The following ANKRD28 variants were observed in gnomAD, a reference collection of about 807,000 sequenced individuals.
The protein encoded by ANKRD28 is ankyrin repeat domain 28, also known as serine/threonine-protein phosphatase 6 regulatory ankyrin repeat subunit A.
ANKRD28 carries 44 observed loss-of-function variants against 126.5 expected under a neutral mutation model. That is an observed-to-expected ratio of 0.35 (90% CI 0.27 to 0.45). ANKRD28 has a LOEUF of 0.45. ANKRD28 is among the 20% of genes least tolerant of loss of function. ANKRD28 has a pLI of 1.00. For missense variants in ANKRD28, 1,110 were observed against 1,316.6 expected (o/e 0.84, Z 2.43); for synonymous variants, 442 against 468.5 (o/e 0.94, Z 0.73).
intron 1 of ANKRD28, among the ~76,000 whole-genome samples, chr3:15,844,261 C>T (rs1166596591): frequency 6.6e-6 from 1 of 151,980 alleles, no homozygotes; most frequent in Non-Finnish European, 1.5e-5. Context: ...AAAAACTGTC[C>T]CATACTTCAG....
At chr3:15,857,111 G>A (rs2061790146) in intron 1 of ANKRD28, among the ~76,000 whole-genome samples, 1 of 152,126 alleles carries the variant, frequency 6.6e-6, no homozygotes, top group African/African-American at 2.4e-5. Flanking sequence ...AATTCCAATG[G>A]CTAATAAAAC....
chr3:15,859,430 C>G (rs1326743743), exon 1 of ANKRD28: 2 of 1,504,944 alleles, frequency 1.3e-6, no homozygotes, highest in Non-Finnish European at 1.8e-6. Context: ...CCCACTCCAG[C>G]CTCCTCCTCC....
chr3:15,730,187 G>A lies in ANKRD28; in HGVS notation c.640+5223C>T, dbSNP rs531336883. Reference sequence around the variant, plus strand: ...AAAAAATATTTATTCAGTACCTTCTGTGTCAAAGTCATCACAATAAAGTAA... The same window carrying A: ...AAAAAATATTTATTCAGTACCTTCTATGTCAAAGTCATCACAATAAAGTAA... On this transcript the variant is annotated intron_variant, in intron 6 of 27. Transcript: ENST00000683139. 7.0e-4 allele frequency among the ~76,000 whole-genome samples: 106 copies of A among 152,232 alleles called. 1 individual carries two copies. Among genetic ancestry groups the A allele is most frequent in the Non-Finnish European group, 1.3e-3 (89 of 68,008 alleles).
intron 2 of ANKRD28, among the ~76,000 whole-genome samples, chr3:15,792,911 C>T (rs1394904678): frequency 1.3e-5 from 2 of 151,952 alleles, no homozygotes; most frequent in African/African-American, 2.4e-5. Flanking sequence ...TACTAAGAAA[C>T]GTGCTGTTTA....
intron 17 of ANKRD28, among the ~76,000 whole-genome samples, chr3:15,693,474 A>G (rs142004845): frequency 5.6e-4 from 86 of 152,290 alleles, no homozygotes; most frequent in African/African-American, 1.9e-3. Flanking sequence ...CATTAAACTG[A>G]TAACTAAGTC....
chr3:15,679,941 A>G (rs1051139414), intron 21 of ANKRD28, among the ~76,000 whole-genome samples: 1 of 152,144 alleles, frequency 6.6e-6, no homozygotes, highest in African/African-American at 2.4e-5. Context: ...ATTGGTTATT[A>G]TAAGTAATCC....
chr3:15,767,217 C>A (rs1161019465), intron 2 of ANKRD28, among the ~76,000 whole-genome samples: 2 of 152,080 alleles, frequency 1.3e-5, no homozygotes, highest in African/African-American at 4.8e-5. Context: ...GTTCAAGATG[C>A]AAGATTTTAG....
rs2061160581 is a variant in ANKRD28 at position 15,830,267 on chromosome 3, C to T, written c.27+29110G>A. On this transcript the variant is annotated intron_variant, in intron 1 of 27. Transcript: ENST00000399451. This position sits in a 1 kb window ranked among gnomAD's most constrained non-coding sequence, Gnocchi z 4.5. ...TAACAGTTTTGACTTTAGGGACTCC[C>T]AGGGGTTCATGGACCACACTATGAG... is the stretch of plus-strand genomic sequence containing the variant. Among the ~76,000 whole-genome samples the T allele has an allele frequency of 5.3e-5, 8 of 152,124 alleles. No individual in the cohort carries two copies. Among genetic ancestry groups the T allele is most frequent in the Non-Finnish European group, 1.2e-4 (8 of 68,020 alleles).
chr3:15,756,724 T>C (rs1251689467), intron 3 of ANKRD28, among the ~76,000 whole-genome samples: 1 of 152,102 alleles, frequency 6.6e-6, no homozygotes, highest in Non-Finnish European at 1.5e-5. Context: ...GAGGTGGATA[T>C]GAATATGTAT....
At chr3:15,677,782 C>T (rs1218730281) in intron 24 of ANKRD28, among the ~76,000 whole-genome samples, 4 of 152,138 alleles carry the variant, frequency 2.6e-5, no homozygotes, top group African/African-American at 9.7e-5. Context: ...TGGCAATTAA[C>T]ATTTATTTTG....
At position 15,843,888 on chromosome 3, in the gene ANKRD28, GGAGAA is replaced by G. The variant is rs768646429; in HGVS notation, c.27+15484_27+15488del. ...AAGAGGCAGAAGATGGAGATGAAAA[GGAGAA>G]GACTGAAAGCGTGTGTACATTAGGA... On this transcript the variant is annotated intron_variant, in intron 1 of 27. Coordinates refer to the ANKRD28 transcript ENST00000399451. This position sits in a 1 kb window ranked among gnomAD's most constrained non-coding sequence, Gnocchi z 5.2. 9.6e-4 allele frequency among the ~76,000 whole-genome samples: 146 copies of G among 152,252 alleles called. No individual in the cohort carries two copies. In the Middle Eastern group the frequency reaches 0.017, roughly 18 times the overall value.
chr3:15,820,491 A>G (rs2060918953), intron 1 of ANKRD28, among the ~76,000 whole-genome samples: 1 of 152,198 alleles, frequency 6.6e-6, no homozygotes, highest in Non-Finnish European at 1.5e-5. Context: ...TTCAATAAAT[A>G]CATTCATTTT....
At chr3:15,762,365 G>A (rs192654972) in intron 3 of ANKRD28, among the ~76,000 whole-genome samples, 1 of 152,094 alleles carries the variant, frequency 6.6e-6, no homozygotes, top group Admixed American at 6.6e-5. Context: ...TTAGAGCTCT[G>A]TTATCCATAA....
intron 2 of ANKRD28, 82 bp downstream of exon 2, chr3:15,795,141 C>A: frequency 9.9e-7 from 1 of 1,005,758 alleles, no homozygotes; most frequent in Non-Finnish European, 1.5e-6. Flanking sequence ...TATATTATGT[C>A]TTGTAAACAA....
chr3:15,695,008 G>A (rs1268734935), intron 16 of ANKRD28, among the ~76,000 whole-genome samples, 180 bp downstream of exon 16: 1 of 152,116 alleles, frequency 6.6e-6, no homozygotes, highest in Non-Finnish European at 1.5e-5. Flanking sequence ...TGGGGGAAAT[G>A]CTACTTAATT....
chr3:15,762,702 TATCAAGGAATTTATTTAC>T (rs2058553480), intron 3 of ANKRD28, among the ~76,000 whole-genome samples: 1 of 152,126 alleles, frequency 6.6e-6, no homozygotes, highest in South Asian at 2.1e-4. Context: ...TAATTCCTGA[TATCAAGGAATTTATTTAC>T]TTGGCAGAAC....
In ANKRD28 at chr3:15,830,353, G is replaced by C. The variant is rs141450815; in HGVS notation, c.27+29024C>G. On this transcript the variant is annotated intron_variant, in intron 1 of 27. Transcript: ENST00000399451. This position sits in a 1 kb window ranked among gnomAD's most constrained non-coding sequence, Gnocchi z 4.5. ...GAGGACTGCTAGCCATTCATGGCCT[G>C]TCAGAAACTGGGCTGGATAGCAGGA... Among the ~76,000 whole-genome samples the C allele has an allele frequency of 6.6e-6, 1 of 152,286 alleles. No individual in the cohort carries two copies. Among genetic ancestry groups the C allele is most frequent in the African/African-American group, 2.4e-5 (1 of 41,542 alleles).
chr3:15,685,118 T>G, intron 21 of ANKRD28, 108 bp downstream of exon 21: 1 of 1,120,422 alleles, frequency 8.9e-7, no homozygotes, highest in Admixed American at 1.8e-5. Context: ...CAGTAGATTA[T>G]TCCCAAGGTT....
chr3:15,711,289 A>G lies in ANKRD28; in HGVS notation c.1274-15T>C, dbSNP rs960800727. The G allele has an allele frequency of 1.3e-6, 2 of 1,592,692 alleles. No individual in the cohort carries two copies. The highest frequency in any genetic ancestry group is 1.7e-5 in the Admixed American group (1 of 59,246). ...TATATCAAATCCTACAAGAATGAAT[A>G]CATCTTATTTATAACAGACATATTA... is the stretch of plus-strand genomic sequence containing the variant. On this transcript the variant is annotated splice_polypyrimidine_tract_variant and intron_variant, in intron 11 of 27. Coordinates refer to ENST00000683139, the MANE Select transcript of ANKRD28 (RefSeq NM_001349278.2).
Sources: gnomAD v4.1 joint callset for allele counts (sites outside exome capture counted in the v4.1 genomes callset) on GRCh38, gnomAD v4.1.1 for gene constraint, Gnocchi (gnomAD v3.1) non-coding constraint, MANE v1.5 for transcripts, NCBI Gene and HGNC (gene_info 2026-07-23, HGNC 2026-07-21) for gene names.